Variants in SGCD observed in about 807,000 individuals in gnomAD.
SGCD encodes delta-sarcoglycan.
A neutral mutation model predicts 36.6 loss-of-function variants in SGCD; 18 were observed. The ratio of observed to expected loss-of-function variants is 0.49; its 90% CI spans 0.34 to 0.73. The LOEUF is 0.73. SGCD is among the 30% of genes least tolerant of loss of function. The pLI is 0.01. For synonymous variants in SGCD, 133 were observed against 130.6 expected (o/e 1.02, Z -0.12); for missense variants, 387 against 346.7 (o/e 1.12, Z -0.92).
At chr5:155,728,824 C>T in the SGCD span, among the ~76,000 whole-genome samples, 1 of 152,206 alleles carries the variant, frequency 6.6e-6, no homozygotes, top group Non-Finnish European at 1.5e-5. Flanking sequence ...GCGGCGCGCC[C>T]TCTGCCAACT....
intron 3 of SGCD, among the ~76,000 whole-genome samples, chr5:156,462,473 A>G (rs1307209538): frequency 1.3e-5 from 2 of 152,170 alleles, no homozygotes; most frequent in Non-Finnish European, 2.9e-5. Flanking sequence ...GACACAAAGA[A>G]AGGAAAGGAC....
chr5:156,074,834 G>A (rs1382952391), intron 1 of SGCD, among the ~76,000 whole-genome samples: 3 of 152,202 alleles, frequency 2.0e-5, no homozygotes, highest in Non-Finnish European at 4.4e-5. Context: ...GCTAACAACA[G>A]TCACACTGGT....
At chr5:156,608,566 G>A (rs1761603750) in intron 6 of SGCD, among the ~76,000 whole-genome samples, 1 of 152,150 alleles carries the variant, frequency 6.6e-6, no homozygotes, top group South Asian at 2.1e-4. Flanking sequence ...AGGTCTGCTT[G>A]GTGCAGAGCT....
intron 4 of SGCD, among the ~76,000 whole-genome samples, chr5:156,580,244 C>T (rs144680781): frequency 2.6e-3 from 395 of 152,350 alleles, no homozygotes; most frequent in African/African-American, 9.2e-3. Context: ...TATTGTCCCC[C>T]ACTCTCTACT....
the SGCD span, among the ~76,000 whole-genome samples, chr5:155,861,477 C>T: frequency 2.6e-5 from 4 of 151,818 alleles, no homozygotes; most frequent in African/African-American, 7.2e-5. Context: ...CCGAGGCGGG[C>T]GGATCACAAG....
At chr5:156,560,656 C>T (rs1561778933) in intron 4 of SGCD, among the ~76,000 whole-genome samples, 2 of 152,194 alleles carry the variant, frequency 1.3e-5, no homozygotes, top group Non-Finnish European at 2.9e-5. Flanking sequence ...TAGGATGAGA[C>T]TTCTTATTTT....
the SGCD span, among the ~76,000 whole-genome samples, chr5:155,766,054 G>A: frequency 6.6e-6 from 1 of 151,590 alleles, no homozygotes; most frequent in Non-Finnish European, 1.5e-5. Flanking sequence ...GACTTGGACT[G>A]GAAGAGGCTG....
chr5:155,810,795 C>CTTTTTT, the SGCD span, among the ~76,000 whole-genome samples: 6 of 35,336 alleles, frequency 1.7e-4, 2 homozygotes, highest in African/African-American at 2.1e-4. Context: ...TTAGTGTCTG[C>CTTTTTT]TTTTTTTTTT....
intron 1 of SGCD, among the ~76,000 whole-genome samples, chr5:155,973,635 C>T (rs758618043): frequency 2.0e-5 from 3 of 152,114 alleles, no homozygotes; most frequent in Non-Finnish European, 4.4e-5. Flanking sequence ...ATATATGATG[C>T]GCAGAATGAA....
chr5:156,577,460 T>C (rs574456627), intron 4 of SGCD, among the ~76,000 whole-genome samples: 69 of 152,328 alleles, frequency 4.5e-4, no homozygotes, highest in African/African-American at 1.6e-3. Context: ...AAGAAAGTCA[T>C]TGGTATCTTG....
At chr5:156,243,747 G>T (rs1027001040) in intron 3 of SGCD, among the ~76,000 whole-genome samples, 2 of 152,168 alleles carry the variant, frequency 1.3e-5, no homozygotes, top group African/African-American at 2.4e-5. Context: ...AAATAAGTCT[G>T]AAGTATCTTG....
upstream of SGCD, among the ~76,000 whole-genome samples, chr5:156,324,431 G>A (rs547795570): frequency 1.3e-5 from 2 of 151,736 alleles, no homozygotes; most frequent in South Asian, 4.2e-4. Context: ...AACAATTCCC[G>A]CATATGATAT....
chr5:155,848,665 C>G, the SGCD span, among the ~76,000 whole-genome samples: 1 of 152,136 alleles, frequency 6.6e-6, no homozygotes, highest in Admixed American at 6.6e-5. Context: ...TGCTCATCCT[C>G]TCTAATATAA....
chr5:156,072,435 C>A (rs1760607329), intron 1 of SGCD, among the ~76,000 whole-genome samples: 1 of 152,124 alleles, frequency 6.6e-6, no homozygotes, highest in African/African-American at 2.4e-5. Context: ...AAATTCTTTT[C>A]TTTAAGAATG....
Position 156,460,453 on chromosome 5 carries a change from T to G in SGCD, c.193-48148T>G, listed in dbSNP as rs188224336. On this transcript the variant is annotated intron_variant, in intron 3 of 8. Transcript: ENST00000337851. ...TGGATAATAGGCACTGCAATAGAAT[T>G]CATAAAGGAAATGGGATTTGACCAG... Among the ~76,000 whole-genome samples, 265 of 152,266 alleles carry G rather than the reference T, an allele frequency of 1.7e-3. 3 individuals carry two copies. The highest frequency in any genetic ancestry group is 6.0e-3 in the African/African-American group (249 of 41,564).
At chr5:155,990,035 G>C (rs1758401665) in intron 1 of SGCD, among the ~76,000 whole-genome samples, 1 of 152,088 alleles carries the variant, frequency 6.6e-6, no homozygotes, top group African/African-American at 2.4e-5. Flanking sequence ...ACCACTTCTG[G>C]GAAACAGCCT....
chr5:156,735,262 GTCAGGGACCT>G (rs1561884991), intron 7 of SGCD, among the ~76,000 whole-genome samples: 1 of 152,168 alleles, frequency 6.6e-6, no homozygotes, highest in African/African-American at 2.4e-5. Context: ...GAGGAATGGG[GTCAGGGACCT>G]TCTGTGCTGG....
intron 3 of SGCD, among the ~76,000 whole-genome samples, chr5:156,492,685 G>C (rs1052382827): frequency 6.6e-6 from 1 of 151,970 alleles, no homozygotes; most frequent in Non-Finnish European, 1.5e-5. Flanking sequence ...ATCTACATTA[G>C]GTATTTCTCC....
the SGCD span, among the ~76,000 whole-genome samples, chr5:155,821,127 T>C: frequency 6.6e-6 from 1 of 152,216 alleles, no homozygotes; most frequent in East Asian, 1.9e-4. Flanking sequence ...ACAACTCTAA[T>C]TACCCAGCAT....
Sources: allele counts gnomAD v4.1 joint callset (sites outside exome capture counted in the v4.1 genomes callset), GRCh38; gene constraint gnomAD v4.1.1; transcripts MANE v1.5; gene names NCBI Gene and HGNC (gene_info 2026-07-23, HGNC 2026-07-21).